The following ENAH variants were observed in gnomAD, a reference collection of about 807,000 sequenced individuals.
ENAH encodes the protein ENAH actin regulator.
A neutral mutation model predicts 78.7 loss-of-function variants in ENAH; 23 were observed. The ratio of observed to expected loss-of-function variants is 0.29; its 90% CI spans 0.21 to 0.41. The LOEUF is 0.41. Ranked by LOEUF, ENAH falls within the 10% of genes least tolerant of loss-of-function variation. The pLI, the probability that ENAH is intolerant of heterozygous loss-of-function variation, is 1.00. For synonymous variants in ENAH, 226 were observed against 241.0 expected, an observed-to-expected ratio of 0.94 and a Z score of 0.58; for missense variants, 544 against 691.0, an observed-to-expected ratio of 0.79 and a Z score of 2.39.
chr1:225,498,457 A>G, intron 12 of ENAH, 53 bp from the exon 13 acceptor site: 1 of 1,103,588 alleles, frequency 9.1e-7, no homozygotes, highest in Non-Finnish European at 1.3e-6. Flanking sequence ...ACCACTAAAG[A>G]GATTCTTACT....
chr1:225,653,318 G>T (rs1663412321), upstream of ENAH, among the ~76,000 whole-genome samples: 1 of 151,568 alleles, frequency 6.6e-6, no homozygotes, highest in Non-Finnish European at 1.5e-5. This position sits in a 1 kb window ranked among gnomAD's most constrained non-coding sequence, Gnocchi z 4.3. Flanking sequence ...GCGAGGCTGG[G>T]AGAGAGCGAG....
intron 1 of ENAH, among the ~76,000 whole-genome samples, chr1:225,614,469 AC>A (rs1477400224): frequency 1.3e-5 from 2 of 152,032 alleles, no homozygotes; most frequent in Non-Finnish European, 2.9e-5. Context: ...CCTGGGATGT[AC>A]CCCCAATCGC....
intron 2 of ENAH, 65 bp downstream of exon 2, chr1:225,567,184 C>T (rs1328933826): frequency 9.2e-6 from 14 of 1,526,944 alleles, no homozygotes; most frequent in Middle Eastern, 3.4e-4. Context: ...CTTTATTTTA[C>T]GGAATATGCC....
chr1:225,571,392 A>G (rs1442262287), intron 1 of ENAH, among the ~76,000 whole-genome samples: 1 of 152,016 alleles, frequency 6.6e-6, no homozygotes, highest in Non-Finnish European at 1.5e-5. Flanking sequence ...GAAAAAAAAG[A>G]AAGAAAAACA....
intron 1 of ENAH, among the ~76,000 whole-genome samples, chr1:225,589,008 T>TC (rs2096862179): frequency 1.3e-5 from 2 of 152,010 alleles, no homozygotes; most frequent in African/African-American, 4.8e-5. Context: ...ACAACTGATA[T>TC]ACATGACATG....
At position 225,488,498 on chromosome 1, in the gene ENAH, C is replaced by A. The variant is rs575736814; in HGVS notation, c.*9277G>T. 1 of 152,104 alleles carries A rather than the reference C, an allele frequency of 6.6e-6. No homozygotes were observed. The highest frequency in any genetic ancestry group is 2.4e-5 in the African/African-American group (1 of 41,488). 9.4% of individuals were successfully genotyped at this position (152,104 alleles called of 1,614,324 possible). A position where few individuals can be genotyped will look rare whatever the true frequency, so the allele number is the denominator to read the frequency against. On this transcript the variant is annotated 3_prime_UTR_variant, in exon 14 of 14. Coordinates refer to ENST00000366843, the MANE Select transcript of ENAH (RefSeq NM_018212.6). Reference sequence around the variant, plus strand: ...CAGGATGCTCCTATAAATACAGACTCCAGAGAGGTTTCCTCAAAAATTAAA... The same window carrying A: ...CAGGATGCTCCTATAAATACAGACTACAGAGAGGTTTCCTCAAAAATTAAA...
intron 1 of ENAH, among the ~76,000 whole-genome samples, chr1:225,620,451 TA>T (rs1260300783): frequency 6.6e-6 from 1 of 151,846 alleles, no homozygotes; most frequent in Non-Finnish European, 1.5e-5. Flanking sequence ...AAATCGCTTG[TA>T]CCCAGGGGGC....
intron 1 of ENAH, among the ~76,000 whole-genome samples, chr1:225,571,287 C>A (rs767932062): frequency 8.6e-5 from 13 of 151,868 alleles, no homozygotes; most frequent in Non-Finnish European, 1.3e-4. Context: ...GCACAAGAAT[C>A]GCTTGAACCC....
intron 4 of ENAH, among the ~76,000 whole-genome samples, chr1:225,522,636 GGTT>G (rs912108954): frequency 9.9e-5 from 15 of 152,114 alleles, no homozygotes; most frequent in African/African-American, 3.6e-4. Flanking sequence ...AGTCAGGGTT[GGTT>G]GTTGTTGTTT....
chr1:225,536,406 A>G (rs6701032), intron 3 of ENAH, among the ~76,000 whole-genome samples: 60,561 of 151,702 alleles, frequency 0.4, 12,406 homozygotes, highest in Middle Eastern at 0.5. Context: ...TTTTTTTACT[A>G]TTACTTTAGT....
intron 1 of ENAH, among the ~76,000 whole-genome samples, chr1:225,645,398 G>A (rs1380524091): frequency 6.6e-6 from 1 of 152,092 alleles, no homozygotes. Flanking sequence ...ATATTATTCT[G>A]TTGTATGGAC....
At chr1:225,552,173 G>A (rs1220960372) in intron 3 of ENAH, among the ~76,000 whole-genome samples, 1 of 125,270 alleles carries the variant, frequency 8.0e-6, no homozygotes, top group African/African-American at 3.1e-5. Context: ...GTCTTGCTCA[G>A]TCGCCCAGGC....
rs980332004 is a variant in ENAH at position 225,491,508 on chromosome 1, GAA to G, written c.*6265_*6266del. The G allele has an allele frequency of 1.3e-5, 2 of 150,700 alleles. No homozygotes were observed. The highest frequency in any genetic ancestry group is 2.5e-5 in the African/African-American group (1 of 40,696). 9.3% of individuals were successfully genotyped at this position (150,700 alleles called of 1,614,324 possible). On this transcript the variant is annotated 3_prime_UTR_variant, in exon 14 of 14. Coordinates refer to ENST00000366843, the MANE Select transcript of ENAH (RefSeq NM_018212.6). The stretch of plus-strand genomic sequence containing the variant: ...AAAAAATAAAAGAAAAAGAAAAAAA[GAA>G]AAGAGGTTTCACAGATGTGACTAAA...
intron 13 of ENAH, among the ~76,000 whole-genome samples, chr1:225,498,040 C>G (rs1203184846): frequency 2.0e-5 from 3 of 151,996 alleles, no homozygotes; most frequent in East Asian, 3.9e-4. Context: ...TATGTGGGCT[C>G]AAAAACAAGA....
intron 1 of ENAH, among the ~76,000 whole-genome samples, chr1:225,603,852 T>C (rs1207993356): frequency 6.6e-6 from 1 of 152,232 alleles, no homozygotes; most frequent in African/African-American, 2.4e-5. Context: ...CTAATGGCTA[T>C]GGGTTTAAAT....
intron 1 of ENAH, among the ~76,000 whole-genome samples, chr1:225,608,575 G>A (rs761227669): frequency 1.2e-4 from 18 of 151,902 alleles, no homozygotes; most frequent in Non-Finnish European, 2.1e-4. Flanking sequence ...GAGCACTTTG[G>A]AAGGCAGAGG....
chr1:225,628,557 T>A (rs764438450), intron 1 of ENAH, among the ~76,000 whole-genome samples: 1 of 152,018 alleles, frequency 6.6e-6, no homozygotes, highest in African/African-American at 2.4e-5. Context: ...AAAAAATGTA[T>A]CAAGTATAAT....
At chr1:225,597,049 A>G (rs1053498867) in intron 1 of ENAH, among the ~76,000 whole-genome samples, 8 of 152,204 alleles carry the variant, frequency 5.3e-5, no homozygotes, top group African/African-American at 1.9e-4. Flanking sequence ...TCTTTTGCCC[A>G]TACTTTTTAA....
chr1:225,565,343 G>A (rs1368140509), intron 2 of ENAH, among the ~76,000 whole-genome samples: 1 of 152,056 alleles, frequency 6.6e-6, no homozygotes, highest in Non-Finnish European at 1.5e-5. Flanking sequence ...GCTGAGGCAG[G>A]AGAATCGCTT....
Sources: gnomAD v4.1 joint callset for allele counts (sites outside exome capture counted in the v4.1 genomes callset) on GRCh38, gnomAD v4.1.1 for gene constraint, Gnocchi (gnomAD v3.1) non-coding constraint, MANE v1.5 for transcripts, NCBI Gene and HGNC (gene_info 2026-07-23, HGNC 2026-07-21) for gene names.